The following CPVL variants were observed in gnomAD, a reference collection of about 807,000 sequenced individuals.
CPVL encodes the protein carboxypeptidase vitellogenic like, also known as probable serine carboxypeptidase CPVL.
Under a neutral mutation model 63.7 loss-of-function variants are expected in CPVL, and 51 were observed. The ratio of observed to expected loss-of-function variants is 0.80; its 90% confidence interval spans 0.64 to 1.01. CPVL has a LOEUF of 1.01. Among genes scored for constraint, CPVL ranks in the 50% least tolerant of loss-of-function variants. The pLI, the probability that CPVL is intolerant of heterozygous loss-of-function variation, is 0.00. For synonymous variants in CPVL, 195 were observed against 206.0 expected (o/e 0.95, Z 0.46); for missense variants, 530 against 573.1 (o/e 0.92, Z 0.77).
At chr7:29,006,893 C>T (rs1583955844) in intron 12 of CPVL, among the ~76,000 whole-genome samples, 1 of 137,664 alleles carries the variant, frequency 7.3e-6, no homozygotes, top group South Asian at 2.4e-4. Flanking sequence ...CTCTACCCTA[C>T]TCCATCTTCC....
chr7:29,172,354 T>C (rs986611073), intron 5 of CPVL, among the ~76,000 whole-genome samples: 1 of 152,236 alleles, frequency 6.6e-6, no homozygotes, highest in Non-Finnish European at 1.5e-5. Context: ...TTGTGACTTC[T>C]ACACCTAGGC....
chr7:29,044,856 G>C (rs1486079262), intron 11 of CPVL, among the ~76,000 whole-genome samples: 1 of 152,182 alleles, frequency 6.6e-6, no homozygotes, highest in Non-Finnish European at 1.5e-5. Flanking sequence ...CATAGCAAAT[G>C]GTATTGTCAT....
chr7:29,118,188 C>G (rs1232468744), intron 2 of CPVL, among the ~76,000 whole-genome samples: 1 of 152,222 alleles, frequency 6.6e-6, no homozygotes, highest in Admixed American at 6.5e-5. Context: ...CTACCCAACT[C>G]TACTGCACAC....
chr7:29,072,539 T>C, intron 7 of CPVL, 116 bp from the exon 8 acceptor site: 1 of 1,174,790 alleles, frequency 8.5e-7, no homozygotes, highest in South Asian at 1.6e-5. Flanking sequence ...AGGTATACCA[T>C]CTGTTTCTTA....
At chr7:29,039,234 A>G (rs1788833349) in intron 11 of CPVL, among the ~76,000 whole-genome samples, 1 of 152,246 alleles carries the variant, frequency 6.6e-6, no homozygotes, top group Non-Finnish European at 1.5e-5. Context: ...CAGTTTATTC[A>G]TGAGTTTAAC....
chr7:29,029,351 G>A (rs758869266), intron 12 of CPVL, among the ~76,000 whole-genome samples: 14 of 152,272 alleles, frequency 9.2e-5, no homozygotes, highest in Admixed American at 3.3e-4. Flanking sequence ...ATATCTGCAC[G>A]CCATGTTTAT....
intron 9 of CPVL, among the ~76,000 whole-genome samples, chr7:29,067,572 G>T (rs1190236621): frequency 6.6e-6 from 1 of 152,158 alleles, no homozygotes; most frequent in African/African-American, 2.4e-5. Context: ...GCAGCATCAG[G>T]GGAGAGCCAG....
intron 7 of CPVL, among the ~76,000 whole-genome samples, chr7:29,084,113 G>A (rs550911498): frequency 1.3e-5 from 2 of 152,088 alleles, no homozygotes; most frequent in African/African-American, 2.4e-5. Context: ...TCTGTGCTCA[G>A]TTGAATTCAA....
chr7:29,002,385 T>G (rs2128126301), intron 12 of CPVL, among the ~76,000 whole-genome samples: 1 of 152,260 alleles, frequency 6.6e-6, no homozygotes, highest in South Asian at 2.1e-4. Context: ...AATCCCAAAC[T>G]TTATCAAGGT....
chr7:29,067,845 T>C (rs1236393858), intron 9 of CPVL, among the ~76,000 whole-genome samples: 1 of 152,054 alleles, frequency 6.6e-6, no homozygotes, highest in Non-Finnish European at 1.5e-5. Flanking sequence ...ACCTCACTAA[T>C]AATGTCAGAG....
chr7:29,061,368 G>A (rs1165763234), intron 11 of CPVL, among the ~76,000 whole-genome samples: 1 of 151,880 alleles, frequency 6.6e-6, no homozygotes, highest in Non-Finnish European at 1.5e-5. Context: ...AGCCGAGATC[G>A]TGCCACTGCA....
intron 6 of CPVL, among the ~76,000 whole-genome samples, chr7:29,091,759 T>C (rs954621566): frequency 1.1e-4 from 17 of 152,166 alleles, no homozygotes; most frequent in Admixed American, 1.3e-4. Flanking sequence ...GGCTTGGAAG[T>C]AGTTCTTTCT....
Position 29,071,807 on chromosome 7 carries a change from T to C in CPVL, c.830A>G (p.His277Arg), listed in dbSNP as rs994625665. The change falls in exon 9 of 13, where the codon CAC becomes CGC. Residue 277 changes from histidine to arginine, a missense_variant. Coordinates refer to ENST00000265394, the MANE Select transcript of CPVL (RefSeq NM_031311.5). ...FQKQCHECIE[H>R]IRKQNWFEAF... Reference sequence around the variant, plus strand: ...CTCAAACCAGTTCTGCTTCCTGATGTGTTCTATGCATTCATGGCACTGCTT... The same window carrying C: ...CTCAAACCAGTTCTGCTTCCTGATGCGTTCTATGCATTCATGGCACTGCTT... 96 of 1,613,138 alleles carry C rather than the reference T, an allele frequency of 6.0e-5. No individual in the cohort carries two copies. The highest frequency in any genetic ancestry group is 8.1e-5 in the Non-Finnish European group (96 of 1,179,568).
chr7:29,088,936 C>G (rs948106882), intron 6 of CPVL, among the ~76,000 whole-genome samples: 13 of 152,196 alleles, frequency 8.5e-5, no homozygotes, highest in Middle Eastern at 3.2e-3. Flanking sequence ...GATCACGCCA[C>G]TGCACTCCAG....
upstream of CPVL, among the ~76,000 whole-genome samples, chr7:29,151,330 A>G (rs1028878713): frequency 1.3e-5 from 2 of 152,186 alleles, no homozygotes; most frequent in Admixed American, 6.6e-5. Flanking sequence ...AAGTGAGCCT[A>G]TACTCCTTTG....
At chr7:29,021,598 C>G (rs796214049) in intron 12 of CPVL, among the ~76,000 whole-genome samples, 10 of 152,052 alleles carry the variant, frequency 6.6e-5, no homozygotes, top group African/African-American at 2.4e-4. Flanking sequence ...TCCCAGCAGT[C>G]AGCAGTCCAT....
At chr7:28,997,109 G>C (rs1784159122) in intron 12 of CPVL, among the ~76,000 whole-genome samples, 1 of 152,192 alleles carries the variant, frequency 6.6e-6, no homozygotes, top group Admixed American at 6.5e-5. Context: ...CAAGTAGAGG[G>C]AAACGGGAAG....
chr7:29,122,084 T>C (rs1789443542), intron 1 of CPVL, among the ~76,000 whole-genome samples: 2 of 152,236 alleles, frequency 1.3e-5, no homozygotes, highest in Admixed American at 1.3e-4. Flanking sequence ...ATATTTATAG[T>C]GGGCTTTCCC....
At chr7:29,049,396 C>G (rs1364460193) in intron 11 of CPVL, among the ~76,000 whole-genome samples, 1 of 152,016 alleles carries the variant, frequency 6.6e-6, no homozygotes, top group African/African-American at 2.4e-5. Context: ...CCTTTACACA[C>G]ATAAACTAGA....
Sources: allele counts gnomAD v4.1 joint callset (sites outside exome capture counted in the v4.1 genomes callset), GRCh38; gene constraint gnomAD v4.1.1; transcripts MANE v1.5; gene names NCBI Gene and HGNC (gene_info 2026-07-23, HGNC 2026-07-21).